The following SCFD2 variants were observed in gnomAD, a reference collection of about 807,000 sequenced individuals.
SCFD2 encodes sec1 family domain-containing protein 2.
In SCFD2, 54 loss-of-function variants were observed where a neutral mutation model predicts 58.9. That is an observed-to-expected ratio of 0.92 (90% CI 0.74 to 1.15). The LOEUF (loss-of-function observed/expected upper bound fraction) is 1.15. Ranked by LOEUF, SCFD2 falls within the 50% of genes most tolerant of loss-of-function variation. The pLI is 0.00. For missense variants in SCFD2, 805 were observed against 836.6 expected (o/e 0.96, Z 0.47); for synonymous variants, 321 against 335.9 (o/e 0.96, Z 0.49).
At chr4:53,041,869 A>G (rs1422938135) in intron 5 of SCFD2, among the ~76,000 whole-genome samples, 1 of 152,138 alleles carries the variant, frequency 6.6e-6, no homozygotes, top group Non-Finnish European at 1.5e-5. Flanking sequence ...CACTTCTTCC[A>G]TCATTTGCTA....
At chr4:53,170,384 C>T (rs1727145129) in intron 4 of SCFD2, among the ~76,000 whole-genome samples, 1 of 152,134 alleles carries the variant, frequency 6.6e-6, no homozygotes, top group South Asian at 2.1e-4. Context: ...TTCGTTTCAA[C>T]CATCAATGTA....
At chr4:52,966,883 G>A (rs940666527) in intron 5 of SCFD2, among the ~76,000 whole-genome samples, 4 of 152,086 alleles carry the variant, frequency 2.6e-5, no homozygotes, top group Admixed American at 2.6e-4. Context: ...GCCATTTTAA[G>A]TGTACAGTTC....
At position 53,313,727 on chromosome 4, in the gene SCFD2, C is replaced by T. The variant is rs773249963; in HGVS notation, c.1044G>A (p.Leu348=). The T allele has an allele frequency of 1.7e-5, 28 of 1,613,882 alleles. No individual in the cohort carries two copies. In the African/African-American group the frequency reaches 3.2e-4, roughly 18 times the overall value. ...TCACTGCCTCTTTGTGCTTAGTGTT[C>T]AGTAAAGCTTCCCATAGGGCTTTGG... ...TTAKALWEAL[L]NTKHKEAVME... The change falls in exon 3 of 9, where the codon CTG becomes CTA. Residue 348 remains leucine (L), a synonymous_variant. Transcript: ENST00000401642.
intron 5 of SCFD2, among the ~76,000 whole-genome samples, chr4:53,135,880 A>T (rs1306920540): frequency 6.6e-6 from 1 of 152,086 alleles, no homozygotes; most frequent in Non-Finnish European, 1.5e-5. Context: ...TTACTTATTT[A>T]TATTTCTTGC....
intron 3 of SCFD2, among the ~76,000 whole-genome samples, chr4:53,310,141 T>A (rs1253529057): frequency 6.6e-6 from 1 of 152,148 alleles, no homozygotes; most frequent in East Asian, 1.9e-4. Context: ...GTCCTTATAT[T>A]TAGTGGTCTG....
At chr4:53,313,399 T>C (rs958609692) in intron 3 of SCFD2, among the ~76,000 whole-genome samples, 8 of 152,172 alleles carry the variant, frequency 5.3e-5, no homozygotes, top group African/African-American at 1.7e-4. Context: ...GAAACTAAAA[T>C]AATTATTCTT....
At chr4:52,937,138 C>T (rs769439534) in intron 5 of SCFD2, among the ~76,000 whole-genome samples, 5 of 152,184 alleles carry the variant, frequency 3.3e-5, no homozygotes, top group African/African-American at 7.2e-5. Flanking sequence ...TTAGCAGACA[C>T]TTTTCGAAGT....
chr4:52,986,340 G>A (rs1349821023), intron 5 of SCFD2, among the ~76,000 whole-genome samples: 1 of 152,016 alleles, frequency 6.6e-6, no homozygotes, highest in East Asian at 1.9e-4. Context: ...AACGTTTGTG[G>A]CTAATAATGA....
At chr4:53,081,788 C>G (rs1342956177) in intron 5 of SCFD2, among the ~76,000 whole-genome samples, 1 of 152,090 alleles carries the variant, frequency 6.6e-6, no homozygotes, top group Non-Finnish European at 1.5e-5. Flanking sequence ...ACTGAAATCA[C>G]CCCTTAAAGA....
At chr4:53,062,187 C>G (rs1354936553) in intron 5 of SCFD2, among the ~76,000 whole-genome samples, 1 of 151,690 alleles carries the variant, frequency 6.6e-6, no homozygotes, top group Non-Finnish European at 1.5e-5. Context: ...GGCTGGCGAA[C>G]AGGGCAAAAC....
intron 8 of SCFD2, among the ~76,000 whole-genome samples, chr4:52,877,851 C>G (rs903802512): frequency 6.6e-6 from 1 of 152,196 alleles, no homozygotes; most frequent in African/African-American, 2.4e-5. Context: ...AAGCCCAGCC[C>G]TCCCGGAGAG....
intron 4 of SCFD2, among the ~76,000 whole-genome samples, chr4:53,163,360 C>T (rs1405011160): frequency 6.6e-6 from 1 of 152,162 alleles, no homozygotes; most frequent in African/African-American, 2.4e-5. Context: ...AACTCACTGG[C>T]TTCTTCCAAT....
chr4:53,194,994 G>A (rs1473352134), intron 4 of SCFD2, among the ~76,000 whole-genome samples: 4 of 152,184 alleles, frequency 2.6e-5, no homozygotes, highest in African/African-American at 9.6e-5. Context: ...CAGATGTCAT[G>A]TAAAAACCCC....
chr4:52,899,713 G>T (rs1719131634), intron 7 of SCFD2, among the ~76,000 whole-genome samples: 1 of 152,234 alleles, frequency 6.6e-6, no homozygotes, highest in South Asian at 2.1e-4. Flanking sequence ...CTAGATTGGG[G>T]AAGTTCTCCT....
In SCFD2 at chr4:53,159,313, G is replaced by T. The variant is rs150233490; in HGVS notation, c.1312-13731C>A. 8.5e-4 allele frequency among the ~76,000 whole-genome samples: 129 copies of T among 152,312 alleles called. No individual in the cohort carries two copies. The East Asian group carries it at 0.017, about 20-fold the overall frequency. ...AGTTTGAAAAAGATTACTTGTCGAA[G>T]ATATCAGCTGGTGAATGTTTGAGCT... On this transcript the variant is annotated intron_variant, in intron 4 of 8. Coordinates refer to ENST00000401642, the MANE Select transcript of SCFD2 (RefSeq NM_152540.4).
chr4:53,355,779 C>G (rs1484106974), intron 1 of SCFD2, among the ~76,000 whole-genome samples: 2 of 152,160 alleles, frequency 1.3e-5, no homozygotes, highest in Non-Finnish European at 2.9e-5. Flanking sequence ...TAGTGGTCCT[C>G]AAGCATGACA....
At chr4:53,098,355 T>C (rs1318384180) in intron 5 of SCFD2, among the ~76,000 whole-genome samples, 1 of 152,190 alleles carries the variant, frequency 6.6e-6, no homozygotes, top group East Asian at 1.9e-4. Context: ...CTGGACTTTT[T>C]TTGGTTGGTA....
intron 5 of SCFD2, among the ~76,000 whole-genome samples, chr4:52,968,820 T>C (rs1430401227): frequency 6.6e-6 from 1 of 152,108 alleles, no homozygotes; most frequent in Non-Finnish European, 1.5e-5. Context: ...CAGCCAAATA[T>C]TACCTGGGGA....
intron 2 of SCFD2, among the ~76,000 whole-genome samples, chr4:53,327,201 T>C (rs1733229869): frequency 6.6e-6 from 1 of 151,358 alleles, no homozygotes; most frequent in South Asian, 2.1e-4. Context: ...ATACAAGGTG[T>C]TGGGATCCAA....
Sources: allele counts gnomAD v4.1 joint callset (sites outside exome capture counted in the v4.1 genomes callset), GRCh38; gene constraint gnomAD v4.1.1; transcripts MANE v1.5; gene names NCBI Gene and HGNC (gene_info 2026-07-23, HGNC 2026-07-21).